Variants in ARID4B observed in about 807,000 individuals in gnomAD.
The protein encoded by ARID4B is AT-rich interaction domain 4B.
In ARID4B, 26 loss-of-function variants were observed where a neutral mutation model predicts 147.5. The ratio of observed to expected loss-of-function variants is 0.18; its 90% CI spans 0.13 to 0.24. ARID4B has a LOEUF of 0.24. ARID4B is among the 10% of genes least tolerant of loss of function. The pLI, the probability that ARID4B is intolerant of heterozygous loss-of-function variation, is 1.00. For missense variants in ARID4B, 1,179 were observed against 1,511.5 expected (o/e 0.78, Z 3.65); for synonymous variants, 512 against 507.9 (o/e 1.01, Z -0.11).
chr1:235,240,490 C>T (rs1337584452), intron 7 of ARID4B, 39 bp from the exon 8 acceptor site: 2 of 1,582,964 alleles, frequency 1.3e-6, no homozygotes, highest in Admixed American at 3.5e-5. Context: ...CATTTATCCT[C>T]ACAAAGAATA....
intron 2 of ARID4B, among the ~76,000 whole-genome samples, chr1:235,302,439 G>T (rs1311929980): frequency 6.6e-6 from 1 of 151,972 alleles, no homozygotes; most frequent in Non-Finnish European, 1.5e-5. Flanking sequence ...AGATTTCAAA[G>T]ATATAGTATT....
chr1:235,167,417 T>C lies in ARID4B; in HGVS notation c.*1108A>G, dbSNP rs1238319865. 6 of 222,158 alleles carry C rather than the reference T, an allele frequency of 2.7e-5. No individual in the cohort carries two copies. Among genetic ancestry groups the C allele is most frequent in the Non-Finnish European group, 2.7e-5 (3 of 111,004 alleles). 13.8% of individuals were successfully genotyped at this position (222,158 alleles called of 1,614,324 possible). ...ATACAAGTGCCAAACAGAACAGAGA[T>C]TGGAATCATACAACATAAAGTCAAT... On this transcript the variant is annotated 3_prime_UTR_variant, in exon 24 of 24. Coordinates refer to ENST00000264183, the MANE Select transcript of ARID4B (RefSeq NM_016374.6).
intron 2 of ARID4B, among the ~76,000 whole-genome samples, chr1:235,311,181 A>AC (rs925638931): frequency 2.6e-5 from 4 of 151,958 alleles, no homozygotes; most frequent in African/African-American, 4.8e-5. Flanking sequence ...ACATAGTGAG[A>AC]CCCCATCTCT....
intron 9 of ARID4B, among the ~76,000 whole-genome samples, chr1:235,231,758 G>C (rs1357571314): frequency 1.3e-5 from 2 of 152,154 alleles, no homozygotes; most frequent in East Asian, 3.8e-4. Context: ...AAAGTACTGG[G>C]ATTATAGGCA....
At chr1:235,269,100 C>G (rs1670805102) in intron 2 of ARID4B, among the ~76,000 whole-genome samples, 1 of 152,146 alleles carries the variant, frequency 6.6e-6, no homozygotes, top group East Asian at 1.9e-4. Flanking sequence ...AATTATATCT[C>G]ACTTTAAAAA....
intron 19 of ARID4B, among the ~76,000 whole-genome samples, chr1:235,187,312 G>A (rs1488883470): frequency 2.0e-5 from 3 of 151,966 alleles, no homozygotes; most frequent in East Asian, 1.9e-4. Context: ...TTGAACTCCC[G>A]ACCTCAGGTG....
chr1:235,289,682 A>G (rs1672204581), intron 2 of ARID4B, among the ~76,000 whole-genome samples: 1 of 150,538 alleles, frequency 6.6e-6, no homozygotes, highest in African/African-American at 2.4e-5. Context: ...CCGTTATTGG[A>G]CCACTGCACT....
intron 2 of ARID4B, among the ~76,000 whole-genome samples, chr1:235,269,161 T>TA (rs1670809730): frequency 6.6e-6 from 1 of 152,192 alleles, no homozygotes; most frequent in Non-Finnish European, 1.5e-5. Context: ...CGTGAGTCCA[T>TA]ATTGACAAGA....
intron 2 of ARID4B, among the ~76,000 whole-genome samples, chr1:235,276,762 C>T (rs956353796): frequency 6.6e-6 from 1 of 151,996 alleles, no homozygotes; most frequent in Non-Finnish European, 1.5e-5. Flanking sequence ...CTTTGGGAGG[C>T]CGAAGCAGGG....
intron 2 of ARID4B, among the ~76,000 whole-genome samples, chr1:235,268,197 G>C (rs766100894): frequency 1.2e-4 from 18 of 152,096 alleles, no homozygotes; most frequent in Non-Finnish European, 1.6e-4. Flanking sequence ...TAAGTAAATG[G>C]ACTAATCAAA....
chr1:235,299,243 T>C (rs1366565380), intron 2 of ARID4B, among the ~76,000 whole-genome samples: 1 of 152,246 alleles, frequency 6.6e-6, no homozygotes, highest in Non-Finnish European at 1.5e-5. Context: ...AGACAGAGTC[T>C]TGCCCTGTCA....
chr1:235,322,916 G>A (rs890612526), intron 2 of ARID4B, among the ~76,000 whole-genome samples: 1 of 151,896 alleles, frequency 6.6e-6, no homozygotes, highest in African/African-American at 2.4e-5. Context: ...CACACACACA[G>A]GGCATTAAAA....
intron 23 of ARID4B, 137 bp from the exon 24 acceptor site, chr1:235,168,789 TCA>T (rs1307323165): frequency 2.8e-5 from 25 of 903,930 alleles, no homozygotes; most frequent in Non-Finnish European, 4.0e-5. Flanking sequence ...TGGTCAATTC[TCA>T]CAGTTCTACG....
chr1:235,170,169 C>A (rs1663238455), intron 23 of ARID4B, among the ~76,000 whole-genome samples: 1 of 152,044 alleles, frequency 6.6e-6, no homozygotes, highest in African/African-American at 2.4e-5. Flanking sequence ...AAAAAACTAC[C>A]CCAGGGGCAA....
intron 9 of ARID4B, among the ~76,000 whole-genome samples, chr1:235,233,800 G>A (rs897306010): frequency 3.9e-5 from 6 of 152,184 alleles, no homozygotes; most frequent in Non-Finnish European, 7.3e-5. Flanking sequence ...TACATCAATA[G>A]GCCGGGCGCG....
intron 2 of ARID4B, among the ~76,000 whole-genome samples, chr1:235,298,561 T>C (rs1277421013): frequency 2.7e-5 from 4 of 148,502 alleles, no homozygotes; most frequent in African/African-American, 9.8e-5. Context: ...AATGTATATT[T>C]ATATATATCC....
At chr1:235,231,044 A>T (rs1418283189) in intron 10 of ARID4B, 69 bp downstream of exon 10, 3 of 1,130,968 alleles carry the variant, frequency 2.7e-6, no homozygotes, top group Admixed American at 2.4e-5. Flanking sequence ...GAGCAAAGAA[A>T]AATTTAATCT....
chr1:235,231,047 T>C, intron 10 of ARID4B, 66 bp downstream of exon 10: 13 of 1,151,338 alleles, frequency 1.1e-5, no homozygotes, highest in Non-Finnish European at 1.5e-5. Context: ...CAAAGAAAAA[T>C]TTAATCTTCA....
intron 5 of ARID4B, among the ~76,000 whole-genome samples, chr1:235,255,267 A>AGATCGATCTATCTATCTATCTATCTATC: frequency 7.3e-6 from 1 of 137,248 alleles, no homozygotes; most frequent in South Asian, 2.6e-4. Flanking sequence ...AGATAGATAT[A>AGATCGATCTATCTATCTATCTATCTATC]TATCTCTCTC....
Sources: allele counts gnomAD v4.1 joint callset (sites outside exome capture counted in the v4.1 genomes callset), GRCh38; gene constraint gnomAD v4.1.1; transcripts MANE v1.5; gene names NCBI Gene and HGNC (gene_info 2026-07-23, HGNC 2026-07-21).